Variants in ZNF730 observed in about 807,000 individuals in gnomAD.
ZNF730 encodes putative zinc finger protein 730.
A neutral mutation model predicts 12.6 loss-of-function variants in ZNF730; 12 were observed. The observed-to-expected ratio is 0.95, with a 90% CI of 0.61 to 1.54. The LOEUF (loss-of-function observed/expected upper bound fraction) is 1.54, where lower values mean the gene tolerates loss of function less well. Among genes scored for constraint, ZNF730 ranks in the 40% most tolerant of loss-of-function variants. The pLI, the probability that ZNF730 is intolerant of heterozygous loss-of-function variation, is 0.00. For missense variants in ZNF730, 643 were observed against 583.5 expected (o/e 1.10, Z -1.05); for synonymous variants, 194 against 195.8 (o/e 0.99, Z 0.08).
At chr19:23,080,675 A>C (rs188061691) in intron 1 of ZNF730, among the ~76,000 whole-genome samples, 1 of 151,156 alleles carries the variant, frequency 6.6e-6, no homozygotes, top group African/African-American at 2.4e-5. Flanking sequence ...GTGCCTGGCT[A>C]TGCTCTTACT....
chr19:23,116,921 GGGGGCGGGGCC>G, upstream of ZNF730: 1 of 384,996 alleles, frequency 2.6e-6, no homozygotes, highest in Non-Finnish European at 4.4e-6. Flanking sequence ...CAGGGCCTGA[GGGGGCGGGGCC>G]TTAAACGTTA....
At chr19:23,112,297 GT>G (rs1460788976), upstream of ZNF730, among the ~76,000 whole-genome samples, 1 of 152,128 alleles carries the variant, frequency 6.6e-6, no homozygotes, top group Non-Finnish European at 1.5e-5. Context: ...GATACTCTTA[GT>G]TAAGTTTGTT....
In ZNF730 at chr19:23,134,453, C is replaced by A. The variant is rs529859423; in HGVS notation, c.130+247C>A. 8.7e-4 allele frequency among the ~76,000 whole-genome samples: 128 copies of A among 147,620 alleles called. 2 individuals carry two copies. In the South Asian group the frequency reaches 0.015, roughly 17 times the overall value. ...GGGAGGCGGAGGGGGGTCGGCCAGC[C>A]GCCCTGTCCGGGAGGGAGGTGGGGG... On this transcript the variant is annotated intron_variant, in intron 2 of 3. Coordinates refer to ENST00000597761, the MANE Select transcript of ZNF730 (RefSeq NM_001277403.2).
intron 1 of ZNF730, among the ~76,000 whole-genome samples, chr19:23,087,188 A>T (rs532393987): frequency 6.6e-6 from 1 of 152,318 alleles, no homozygotes; most frequent in South Asian, 2.1e-4. Flanking sequence ...CAGTTGGATC[A>T]CCTGAGATCA....
At chr19:23,087,002 A>G (rs1970073182) in intron 1 of ZNF730, among the ~76,000 whole-genome samples, 1 of 151,254 alleles carries the variant, frequency 6.6e-6, no homozygotes, top group South Asian at 2.1e-4. Context: ...GAGATCTTTC[A>G]CCTCCCTTGT....
At chr19:23,099,012 G>A (rs759724974) in intron 1 of ZNF730, among the ~76,000 whole-genome samples, 9 of 151,394 alleles carry the variant, frequency 5.9e-5, no homozygotes, top group Middle Eastern at 3.5e-3. Context: ...AGAGAGTGTC[G>A]TCATAGGAAA....
At chr19:23,098,225 T>G (rs1970285764) in intron 1 of ZNF730, 2 of 151,958 alleles carry the variant, frequency 1.3e-5, no homozygotes, top group African/African-American at 4.8e-5. Flanking sequence ...GCCTGAGCCC[T>G]GCATAAATTG....
rs537003003 is a variant in ZNF730 at position 23,117,341 on chromosome 19, C to T, written c.3+165C>T. 1.5e-3 allele frequency among the ~76,000 whole-genome samples: 232 copies of T among 152,294 alleles called. 1 individual carries two copies. The highest frequency in any genetic ancestry group is 5.4e-3 in the African/African-American group (223 of 41,572). ...TCCCCTTCAGCCATACGATGGCGGC[C>T]GCGCTGACAGCCGGGGCCCCGGCGT... On this transcript the variant is annotated intron_variant, in intron 1 of 3. Transcript: ENST00000597761.
intron 1 of ZNF730, among the ~76,000 whole-genome samples, chr19:23,102,115 G>T (rs1970342009): frequency 1.3e-5 from 2 of 152,132 alleles, no homozygotes; most frequent in African/African-American, 4.8e-5. Context: ...TAGGAAATGT[G>T]ACTCCGTTTT....
At chr19:23,086,089 C>T (rs982721759) in intron 1 of ZNF730, among the ~76,000 whole-genome samples, 33 of 152,024 alleles carry the variant, frequency 2.2e-4, no homozygotes, top group African/African-American at 7.7e-4. Flanking sequence ...ATGATCCACC[C>T]GCCTTGGCCT....
At chr19:23,119,680 G>A (rs1970574886) in intron 1 of ZNF730, among the ~76,000 whole-genome samples, 1 of 152,130 alleles carries the variant, frequency 6.6e-6, no homozygotes, top group African/African-American at 2.4e-5. Context: ...AGCTGGGTGT[G>A]GTGGTGCACA....
At chr19:23,107,888 G>T (rs980503942) in intron 1 of ZNF730, among the ~76,000 whole-genome samples, 3 of 152,102 alleles carry the variant, frequency 2.0e-5, no homozygotes, top group African/African-American at 7.2e-5. Flanking sequence ...TTGGTTCATG[G>T]TATGTTTTTT....
At chr19:23,137,194 A>C (rs1359446924) in intron 3 of ZNF730, among the ~76,000 whole-genome samples, 1 of 152,144 alleles carries the variant, frequency 6.6e-6, no homozygotes, top group Non-Finnish European at 1.5e-5. Context: ...AAAATAAGGC[A>C]CTGCAACAAT....
At chr19:23,110,692 T>C (rs1211982427) in intron 1 of ZNF730, among the ~76,000 whole-genome samples, 1 of 152,228 alleles carries the variant, frequency 6.6e-6, no homozygotes, top group Non-Finnish European at 1.5e-5. Flanking sequence ...TAAGGAGGTT[T>C]ATGAAAGTAT....
At chr19:23,076,697 A>G (rs960439165) in intron 1 of ZNF730, among the ~76,000 whole-genome samples, 2 of 152,186 alleles carry the variant, frequency 1.3e-5, no homozygotes, top group Non-Finnish European at 2.9e-5. Context: ...CTCTTAGAAC[A>G]TTAAGATTTT....
chr19:23,114,205 C>T (rs1250917647), upstream of ZNF730, among the ~76,000 whole-genome samples: 1 of 152,008 alleles, frequency 6.6e-6, no homozygotes, highest in Non-Finnish European at 1.5e-5. Flanking sequence ...TATTTCAGAG[C>T]CTACTTTGGA....
rs147562689 is a variant in ZNF730 at position 23,131,495 on chromosome 19, AAAAC to A, written c.4-2577_4-2574del. Among the ~76,000 whole-genome samples the A allele has an allele frequency of 9.3e-3, 1,422 of 152,334 alleles. 30 individuals are homozygous for A. The highest frequency in any genetic ancestry group is 0.033 in the African/African-American group (1,357 of 41,564). ...CGTTGCTTTCTAAATACAAAAACAA[AAAAC>A]AAACAAAAAACATTGTTGCTTTCTG... On this transcript the variant is annotated intron_variant, in intron 1 of 3. Coordinates refer to ENST00000597761, the MANE Select transcript of ZNF730 (RefSeq NM_001277403.2).
chr19:23,082,403 A>G (rs913287533), intron 1 of ZNF730, among the ~76,000 whole-genome samples: 2 of 151,520 alleles, frequency 1.3e-5, no homozygotes, highest in African/African-American at 4.9e-5. Context: ...CTGGAGTGCA[A>G]TGGTACGATC....
At chr19:23,098,777 G>A (rs1970293342) in intron 1 of ZNF730, among the ~76,000 whole-genome samples, 1 of 152,164 alleles carries the variant, frequency 6.6e-6, no homozygotes, top group Non-Finnish European at 1.5e-5. Flanking sequence ...TCCAGGTGAT[G>A]TGACGGTTCT....
Sources: allele counts gnomAD v4.1 joint callset (sites outside exome capture counted in the v4.1 genomes callset), GRCh38; gene constraint gnomAD v4.1.1; transcripts MANE v1.5; gene names NCBI Gene and HGNC (gene_info 2026-07-23, HGNC 2026-07-21).